KIAA0319L: variants seen among roughly 807,000 people sequenced by gnomAD.
KIAA0319L encodes KIAA0319 like, also known as dyslexia-associated protein KIAA0319-like protein.
A neutral mutation model predicts 120.1 loss-of-function variants in KIAA0319L; 55 were observed. The observed-to-expected ratio is 0.46, with a 90% confidence interval of 0.37 to 0.57. The LOEUF is 0.57. Ranked by LOEUF, KIAA0319L falls within the 20% of genes least tolerant of loss-of-function variation. The probability of loss-of-function intolerance (pLI) is 0.00; values close to 1 mark genes in which losing one functional copy is unlikely to be tolerated. For missense variants in KIAA0319L, 1,049 were observed against 1,255.3 expected (o/e 0.84, Z 2.48); for synonymous variants, 398 against 471.9 (o/e 0.84, Z 2.03).
chr1:35,541,484 G>C (rs1415282836), intron 2 of KIAA0319L, among the ~76,000 whole-genome samples: 1 of 151,544 alleles, frequency 6.6e-6, no homozygotes, highest in African/African-American at 2.4e-5. Context: ...TGAGTAGCTG[G>C]GATAACAGAC....
intron 3 of KIAA0319L, among the ~76,000 whole-genome samples, chr1:35,479,627 T>C (rs1168282460): frequency 6.6e-6 from 1 of 152,104 alleles, no homozygotes; most frequent in Non-Finnish European, 1.5e-5. Flanking sequence ...ATATACCAGC[T>C]AAGCATGGTG....
chr1:35,495,419 A>G (rs569434468), intron 3 of KIAA0319L, among the ~76,000 whole-genome samples: 1 of 152,224 alleles, frequency 6.6e-6, no homozygotes, highest in African/African-American at 2.4e-5. Flanking sequence ...CTTAGGAGAA[A>G]ATCTTTCTCA....
chr1:35,434,084 T>C lies in KIAA0319L; in HGVS notation c.*810A>G, dbSNP rs1640604309. On this transcript the variant is annotated 3_prime_UTR_variant, in exon 21 of 21. Coordinates refer to ENST00000325722, the MANE Select transcript of KIAA0319L (RefSeq NM_024874.5). ...TTAAGGGGGGGCCAGATATCATTTC[T>C]TTTTTTTTTTTTTTTTTTTTGACGG... The C allele has an allele frequency of 2.3e-5, 2 of 85,150 alleles. No individual in the cohort carries two copies. The highest frequency in any genetic ancestry group is 6.7e-3 in the East Asian group (2 of 298). 5.3% of individuals were successfully genotyped at this position (85,150 alleles called of 1,614,324 possible).
At chr1:35,440,831 C>A in intron 20 of KIAA0319L, 1 of 567,344 alleles carries the variant, frequency 1.8e-6, no homozygotes, top group Non-Finnish European at 3.2e-6. Context: ...CCAGCACCCC[C>A]GCCAAGCGGA....
chr1:35,480,297 A>G (rs1644109406), intron 3 of KIAA0319L, among the ~76,000 whole-genome samples: 1 of 152,214 alleles, frequency 6.6e-6, no homozygotes, highest in South Asian at 2.1e-4. Flanking sequence ...TAAGAAACTA[A>G]GTAATGGTAA....
At chr1:35,465,417 CCT>C (rs1643186929) in intron 7 of KIAA0319L, among the ~76,000 whole-genome samples, 1 of 152,144 alleles carries the variant, frequency 6.6e-6, no homozygotes, top group African/African-American at 2.4e-5. Context: ...GCCTGTAACC[CCT>C]CTGTTTTGGC....
intron 20 of KIAA0319L, chr1:35,440,703 G>C (rs1427507777): frequency 3.5e-6 from 1 of 284,006 alleles, no homozygotes; most frequent in South Asian, 5.6e-5. Context: ...AGCACAGACT[G>C]GTCAGCAGTA....
chr1:35,502,898 A>G (rs78202992), intron 3 of KIAA0319L, among the ~76,000 whole-genome samples: 2,805 of 152,266 alleles, frequency 0.018, 93 homozygotes, highest in African/African-American at 0.065. Context: ...CCTATCTTGG[A>G]TGAATCAAAT....
intron 2 of KIAA0319L, among the ~76,000 whole-genome samples, chr1:35,538,240 A>G (rs1393676430): frequency 6.6e-6 from 1 of 152,206 alleles, no homozygotes; most frequent in Non-Finnish European, 1.5e-5. Flanking sequence ...TATATATAAA[A>G]TACCTAGATA....
intron 9 of KIAA0319L, among the ~76,000 whole-genome samples, chr1:35,459,626 G>C (rs1642749026): frequency 6.6e-6 from 1 of 151,850 alleles, no homozygotes; most frequent in African/African-American, 2.4e-5. Context: ...GTGCATTTAA[G>C]TTCCAGCTGT....
intron 2 of KIAA0319L, among the ~76,000 whole-genome samples, chr1:35,538,733 T>C (rs1646679030): frequency 6.6e-6 from 1 of 152,060 alleles, no homozygotes; most frequent in Admixed American, 6.6e-5. Context: ...GGCACTGACA[T>C]TCGGGTAATT....
At chr1:35,466,436 T>C (rs1354758064) in intron 7 of KIAA0319L, among the ~76,000 whole-genome samples, 172 bp downstream of exon 7, 1 of 152,236 alleles carries the variant, frequency 6.6e-6, no homozygotes, top group Non-Finnish European at 1.5e-5. Flanking sequence ...TAGAGCACTG[T>C]TGGAACAAAG....
Position 35,449,780 on chromosome 1 carries a change from C to T in KIAA0319L, c.2353+87G>A, listed in dbSNP as rs1476455548. 9.5e-6 allele frequency: 14 copies of T among 1,466,290 alleles called. No individual in the cohort carries two copies. The Admixed American group carries it at 1.4e-4, about 14-fold the overall frequency. 90.8% of individuals were successfully genotyped at this position (1,466,290 alleles called of 1,614,324 possible). ...AGCTGGACATGCCATCTGGCTCTGT[C>T]CATGCTCGGGGAAGGGGATCTCAGG... is the stretch of plus-strand genomic sequence containing the variant. On this transcript the variant is annotated intron_variant, in intron 15 of 20. Transcript: ENST00000325722.
chr1:35,555,885 A>G (rs898151641), intron 1 of KIAA0319L, among the ~76,000 whole-genome samples: 2 of 152,240 alleles, frequency 1.3e-5, no homozygotes, highest in Admixed American at 6.5e-5. Flanking sequence ...CCACTGGACT[A>G]ACAAGCTGAT....
At chr1:35,436,322 T>C (rs1215409461) in intron 20 of KIAA0319L, among the ~76,000 whole-genome samples, 1 of 152,326 alleles carries the variant, frequency 6.6e-6, no homozygotes, top group East Asian at 1.9e-4. Flanking sequence ...TGCCACATGC[T>C]CTGGGGCTTG....
At position 35,554,460 on chromosome 1, in the gene KIAA0319L, G is replaced by A. The variant is rs1299014059; in HGVS notation, c.32C>T (p.Pro11Leu). The change falls in exon 2 of 21, where the codon CCT becomes CTT. Residue 11 changes from proline to leucine, a missense_variant. By Grantham distance (98) the Pro-to-Leu change is moderately conservative. Coordinates refer to ENST00000325722, the MANE Select transcript of KIAA0319L (RefSeq NM_024874.5). ...ATATCCTGATAAAATCCAGGAAGCA[G>A]GATTTGGCTTGACTCCCAGCCTCTT... Reference protein sequence around the residue: MEKRLGVKPNPASWILSGYYW... With the variant: MEKRLGVKPNLASWILSGYYW... 6.2e-7 allele frequency: 1 copy of A among 1,613,066 alleles called. No individual in the cohort carries two copies. Among genetic ancestry groups the A allele is most frequent in the African/African-American group, 1.3e-5 (1 of 74,888 alleles).
intron 3 of KIAA0319L, among the ~76,000 whole-genome samples, chr1:35,500,094 G>C (rs1373674044): frequency 6.6e-6 from 1 of 152,198 alleles, no homozygotes; most frequent in African/African-American, 2.4e-5. Context: ...TTATTGACTG[G>C]AAACAGGGAG....
At chr1:35,496,703 G>A (rs534895228) in intron 3 of KIAA0319L, among the ~76,000 whole-genome samples, 25 of 152,140 alleles carry the variant, frequency 1.6e-4, no homozygotes, top group African/African-American at 5.1e-4. Context: ...CACCACTTTG[G>A]GAGGCCAAGG....
At chr1:35,477,913 A>G (rs184196350) in intron 4 of KIAA0319L, among the ~76,000 whole-genome samples, 108 of 152,298 alleles carry the variant, frequency 7.1e-4, no homozygotes, top group African/African-American at 1.7e-3. Context: ...CTATACCCAA[A>G]AGAAAGGAAA....
Sources: allele counts gnomAD v4.1 joint callset (sites outside exome capture counted in the v4.1 genomes callset), GRCh38; gene constraint gnomAD v4.1.1; transcripts MANE v1.5; gene names NCBI Gene and HGNC (gene_info 2026-07-23, HGNC 2026-07-21).